NTM: variants seen among roughly 807,000 people sequenced by gnomAD.
NTM encodes the protein IgLON family member 2.
Under a neutral mutation model 42.1 loss-of-function variants are expected in NTM, and 13 were observed. The observed-to-expected ratio is 0.31, with a 90% CI of 0.20 to 0.49. NTM has a LOEUF of 0.49. NTM is among the 20% of genes least tolerant of loss of function. The pLI is 0.99. For synonymous variants in NTM, 187 were observed against 179.2 expected (o/e 1.04, Z -0.35); for missense variants, 373 against 452.8 (o/e 0.82, Z 1.60).
chr11:131,489,242 C>G (rs1198110050), intron 1 of NTM, among the ~76,000 whole-genome samples: 1 of 152,154 alleles, frequency 6.6e-6, no homozygotes, highest in African/African-American at 2.4e-5. Context: ...TAAGAAATGG[C>G]CCATGTTTGC....
intron 2 of NTM, among the ~76,000 whole-genome samples, chr11:132,109,557 C>T (rs1282265032): frequency 6.6e-6 from 1 of 152,166 alleles, no homozygotes; most frequent in East Asian, 1.9e-4. Context: ...TATTGCTCCC[C>T]TGCTTAGAAC....
intron 4 of NTM, among the ~76,000 whole-genome samples, chr11:132,293,490 G>T: frequency 6.6e-6 from 1 of 152,102 alleles, no homozygotes; most frequent in East Asian, 1.9e-4. Context: ...AGAATGGAAG[G>T]ACTGCAAAAG....
intron 2 of NTM, among the ~76,000 whole-genome samples, chr11:132,008,826 CTTTCCTTTTTTCT>C (rs1040064139): frequency 6.6e-6 from 1 of 150,648 alleles, no homozygotes; most frequent in African/African-American, 2.4e-5. Context: ...TTTTTCCTTT[CTTTCCTTTTTTCT>C]TTTCCTTTTC....
intron 4 of NTM, among the ~76,000 whole-genome samples, chr11:132,258,022 A>G (rs1032469077): frequency 6.6e-6 from 1 of 152,212 alleles, no homozygotes; most frequent in African/African-American, 2.4e-5. Context: ...GCAAGAACAC[A>G]TGGACAGCTG....
intron 1 of NTM, among the ~76,000 whole-genome samples, chr11:131,422,449 A>G (rs929121723): frequency 1.3e-5 from 2 of 152,208 alleles, no homozygotes; most frequent in African/African-American, 2.4e-5. Flanking sequence ...TGAGTCTTTA[A>G]GGGAGCCATT....
chr11:131,769,285 G>T (rs1290182447), intron 1 of NTM, among the ~76,000 whole-genome samples: 2 of 108,468 alleles, frequency 1.8e-5, no homozygotes, highest in African/African-American at 7.9e-5. Flanking sequence ...CTAATGATTT[G>T]GTTTTCTCAT....
intron 1 of NTM, among the ~76,000 whole-genome samples, chr11:131,518,688 G>T (rs1255072273): frequency 6.6e-6 from 1 of 152,110 alleles, no homozygotes; most frequent in African/African-American, 2.4e-5. Flanking sequence ...TGGTGTAAGG[G>T]GCTCTCTTTC....
chr11:131,469,581 A>G (rs1045809196), intron 1 of NTM, among the ~76,000 whole-genome samples: 2 of 152,158 alleles, frequency 1.3e-5, no homozygotes, highest in Non-Finnish European at 1.5e-5. Flanking sequence ...GGCGCTGCCT[A>G]TACCTCTCTG....
intron 2 of NTM, among the ~76,000 whole-genome samples, chr11:132,046,265 T>A (rs959886863): frequency 1.3e-5 from 2 of 152,212 alleles, no homozygotes; most frequent in African/African-American, 4.8e-5. Flanking sequence ...ATTATTGCTA[T>A]CATCCTGAGC....
intron 3 of NTM, among the ~76,000 whole-genome samples, chr11:132,186,861 G>A (rs149873702): frequency 1.1e-3 from 160 of 152,250 alleles, no homozygotes; most frequent in African/African-American, 3.7e-3. Context: ...TACCGCTTCC[G>A]AGCCCCCTGT....
chr11:131,866,446 C>T (rs1000698175), intron 1 of NTM, among the ~76,000 whole-genome samples: 32 of 152,320 alleles, frequency 2.1e-4, no homozygotes, highest in East Asian at 9.6e-4. Flanking sequence ...GCCTTAGGCA[C>T]GGGGACCTGC....
intron 1 of NTM, among the ~76,000 whole-genome samples, chr11:131,830,408 GA>G (rs567188753): frequency 2.0e-5 from 3 of 152,116 alleles, no homozygotes; most frequent in Non-Finnish European, 4.4e-5. Flanking sequence ...ATTCCAACAT[GA>G]TTTATTAATA....
intron 1 of NTM, among the ~76,000 whole-genome samples, chr11:131,868,268 C>G (rs2047425970): frequency 6.6e-6 from 1 of 152,174 alleles, no homozygotes; most frequent in African/African-American, 2.4e-5. Flanking sequence ...AGCCCCGCAG[C>G]CACCCACCCT....
At chr11:131,884,745 G>A (rs2050118587) in intron 1 of NTM, among the ~76,000 whole-genome samples, 1 of 152,202 alleles carries the variant, frequency 6.6e-6, no homozygotes, top group Non-Finnish European at 1.5e-5. Context: ...TTGAGCTGGT[G>A]ATTGACAAAT....
chr11:131,907,224 G>C (rs918662032), intron 1 of NTM, among the ~76,000 whole-genome samples: 6 of 152,204 alleles, frequency 3.9e-5, no homozygotes, highest in African/African-American at 1.4e-4. Context: ...AATAGTGATA[G>C]CTCTTTAGCT....
At chr11:131,977,038 G>C (rs2064501500) in intron 2 of NTM, among the ~76,000 whole-genome samples, 3 of 152,158 alleles carry the variant, frequency 2.0e-5, no homozygotes, top group African/African-American at 7.2e-5. Context: ...AGATGCTGAA[G>C]ATAAATGTCA....
At chr11:131,371,087 G>C (rs1221448335) in intron 1 of NTM, 199 bp downstream of exon 1, 1 of 985,274 alleles carries the variant, frequency 1.0e-6, no homozygotes, top group Non-Finnish European at 1.2e-6. Context: ...TACCGGAATG[G>C]GGGAATATGT....
chr11:131,897,360 C>T (rs1461022199), intron 1 of NTM, among the ~76,000 whole-genome samples: 1 of 152,148 alleles, frequency 6.6e-6, no homozygotes, highest in African/African-American at 2.4e-5. Context: ...CACTGATCTA[C>T]CAGTGAGCAA....
chr11:131,829,134 C>T (rs1428184672), intron 1 of NTM, among the ~76,000 whole-genome samples: 1 of 151,268 alleles, frequency 6.6e-6, no homozygotes, highest in Non-Finnish European at 1.5e-5. Context: ...ATCAATTCTC[C>T]CTATCATTTC....
Sources: gnomAD v4.1 joint callset for allele counts (sites outside exome capture counted in the v4.1 genomes callset) on GRCh38, gnomAD v4.1.1 for gene constraint, MANE v1.5 for transcripts, NCBI Gene and HGNC (gene_info 2026-07-23, HGNC 2026-07-21) for gene names.